Variants in TOPBP1 observed in about 807,000 individuals in gnomAD.
The protein encoded by TOPBP1 is DNA topoisomerase 2-binding protein 1.
Under a neutral mutation model 167.7 loss-of-function variants are expected in TOPBP1, and 28 were observed. The ratio of observed to expected loss-of-function variants is 0.17; its 90% CI spans 0.12 to 0.23. The LOEUF (loss-of-function observed/expected upper bound fraction) is 0.23, where lower values mean the gene tolerates loss of function less well. Among genes scored for constraint, TOPBP1 ranks in the 10% least tolerant of loss-of-function variants. The pLI, the probability that TOPBP1 is intolerant of heterozygous loss-of-function variation, is 1.00. For synonymous variants in TOPBP1, 598 were observed against 611.4 expected (o/e 0.98, Z 0.32); for missense variants, 1,554 against 1,809.6 (o/e 0.86, Z 2.56).
chr3:133,647,383 A>G (rs1822744), intron 10 of TOPBP1, among the ~76,000 whole-genome samples: 60,710 of 152,064 alleles, frequency 0.4, 12,705 homozygotes, highest in East Asian at 0.54. Flanking sequence ...TTCTGGGGTA[A>G]CAAACCCCTA....
chr3:133,640,670 T>C (rs943015485), intron 12 of TOPBP1, among the ~76,000 whole-genome samples: 2 of 152,044 alleles, frequency 1.3e-5, no homozygotes, highest in African/African-American at 4.8e-5. Flanking sequence ...CTCAGCCTCC[T>C]AAAGTTGGGA....
At chr3:133,602,615 G>A (rs1934341185) in intron 27 of TOPBP1, among the ~76,000 whole-genome samples, 1 of 152,194 alleles carries the variant, frequency 6.6e-6, no homozygotes, top group Non-Finnish European at 1.5e-5. Flanking sequence ...GCATAAAGCA[G>A]AGGTCAGCAC....
chr3:133,633,078 T>C (rs1218877324), intron 14 of TOPBP1, among the ~76,000 whole-genome samples: 2 of 152,146 alleles, frequency 1.3e-5, no homozygotes, highest in Non-Finnish European at 2.9e-5. Flanking sequence ...TGGCTATTTC[T>C]TCCACCTTAA....
intron 22 of TOPBP1, 117 bp from the exon 23 acceptor site, chr3:133,617,042 C>T (rs1934916207): frequency 7.4e-7 from 1 of 1,350,704 alleles, no homozygotes; most frequent in South Asian, 1.5e-5. Flanking sequence ...AATAATGATA[C>T]AATGCAAAAA....
intron 14 of TOPBP1, among the ~76,000 whole-genome samples, chr3:133,635,009 A>G (rs968678100): frequency 4.6e-5 from 7 of 152,260 alleles, no homozygotes; most frequent in African/African-American, 1.7e-4. Context: ...GGGAAAGAGA[A>G]TAAGATCTTC....
chr3:133,603,694 G>GA lies in TOPBP1; in HGVS notation c.4426-2302_4426-2301insT, dbSNP rs1318443264. Reference sequence around the variant, plus strand: ...AGCAACAAAGTTTGAAATAAATGGGGTAAAAGCTGACAAAATTAAAGAGAA... The same window carrying GA: ...AGCAACAAAGTTTGAAATAAATGGGGATAAAAGCTGACAAAATTAAAGAGAA... On this transcript the variant is annotated intron_variant, in intron 27 of 27. Transcript: ENST00000260810. Among the ~76,000 whole-genome samples the GA allele has an allele frequency of 6.1e-4, 91 of 149,074 alleles. 3 individuals are homozygous for GA. Among genetic ancestry groups the GA allele is most frequent in the Middle Eastern group, 3.6e-3 (1 of 278 alleles).
chr3:133,643,695 A>T (rs1357647339), intron 11 of TOPBP1, among the ~76,000 whole-genome samples: 1 of 134,376 alleles, frequency 7.4e-6, no homozygotes, highest in Non-Finnish European at 1.6e-5. Context: ...TTGGAATGTT[A>T]AAAAAAAAAA....
intron 24 of TOPBP1, 147 bp downstream of exon 24, chr3:133,612,242 G>C: frequency 1.3e-6 from 1 of 785,240 alleles, no homozygotes; most frequent in Non-Finnish European, 2.0e-6. Flanking sequence ...GTTTCACCAT[G>C]TTGGCCAGGC....
In TOPBP1 at chr3:133,604,284, G is replaced by A. The variant is rs1008497687; in HGVS notation, c.4426-2891C>T. On this transcript the variant is annotated intron_variant, in intron 27 of 27. Coordinates refer to ENST00000260810, the MANE Select transcript of TOPBP1 (RefSeq NM_007027.4). ...CGAGTGGCTGGGACTACAGGCACACGCCACCACACCCCGCTAATTTTTTTG... is the reference window on the plus strand; with the variant it reads ...CGAGTGGCTGGGACTACAGGCACACACCACCACACCCCGCTAATTTTTTTG... Among the ~76,000 whole-genome samples the A allele has an allele frequency of 3.5e-4, 53 of 151,662 alleles. 2 individuals are homozygous for A. Among genetic ancestry groups the A allele is most frequent in the Middle Eastern group, 3.4e-3 (1 of 292 alleles).
intron 8 of TOPBP1, among the ~76,000 whole-genome samples, chr3:133,650,651 T>C (rs536560335): frequency 6.6e-6 from 1 of 152,244 alleles, no homozygotes; most frequent in East Asian, 1.9e-4. Flanking sequence ...CTTAAAAAAA[T>C]TTAAGTATGA....
At chr3:133,651,210 G>A (rs1435411142) in intron 8 of TOPBP1, among the ~76,000 whole-genome samples, 2 of 133,434 alleles carry the variant, frequency 1.5e-5, no homozygotes, top group African/African-American at 2.8e-5. Flanking sequence ...TTTTGAGATG[G>A]AGTTTCACTC....
At chr3:133,633,877 T>C (rs1935577211) in intron 14 of TOPBP1, among the ~76,000 whole-genome samples, 1 of 152,194 alleles carries the variant, frequency 6.6e-6, no homozygotes, top group South Asian at 2.1e-4. Context: ...CTTTACACAT[T>C]ACCTACAAAC....
intron 14 of TOPBP1, among the ~76,000 whole-genome samples, chr3:133,631,659 T>C (rs1935485135): frequency 6.6e-6 from 1 of 152,160 alleles, no homozygotes; most frequent in African/African-American, 2.4e-5. Flanking sequence ...TCATGATATC[T>C]GGTTTGAGAT....
chr3:133,623,020 C>A (rs1208397472), intron 19 of TOPBP1, 71 bp downstream of exon 19: 2 of 853,424 alleles, frequency 2.3e-6, no homozygotes, highest in Non-Finnish European at 3.6e-6. Context: ...GATGACAAGA[C>A]CCCATCTCCA....
chr3:133,603,717 G>C (rs1934393701), intron 27 of TOPBP1, among the ~76,000 whole-genome samples: 1 of 148,672 alleles, frequency 6.7e-6, no homozygotes, highest in African/African-American at 2.4e-5. Flanking sequence ...AAATTAAAGA[G>C]AAAAAACAGA....
intron 12 of TOPBP1, among the ~76,000 whole-genome samples, chr3:133,642,432 T>G (rs1935920123): frequency 6.6e-6 from 1 of 152,222 alleles, no homozygotes; most frequent in South Asian, 2.1e-4. Flanking sequence ...TAATATATAT[T>G]CATTGAAGAC....
Position 133,653,503 on chromosome 3 carries a change from T to C in TOPBP1, c.764A>G (p.Lys255Arg). 3.8e-6 allele frequency: 6 copies of C among 1,595,542 alleles called. No homozygotes were observed. Among genetic ancestry groups the C allele is most frequent in the Non-Finnish European group, 4.3e-6 (5 of 1,173,416 alleles). ...EPKGQKYECA[K>R]RWNVHCVTTQ... ...GGTCACACAGTGTACATTCCATCTC[T>C]TGGCACACTCATACTTCTGACCTGT... The change falls in exon 7 of 28, where the codon AAG becomes AGG. Residue 255 changes from lysine (K) to arginine (R), a missense_variant. Lys to Arg is a conservative substitution (Grantham distance 26). This residue lies in a region of TOPBP1 where 1,197 missense variants were observed against 1,351.5 expected (regional missense o/e 0.89). Coordinates refer to ENST00000260810, the MANE Select transcript of TOPBP1 (RefSeq NM_007027.4).
At chr3:133,603,444 A>T (rs1934378744) in intron 27 of TOPBP1, among the ~76,000 whole-genome samples, 1 of 152,192 alleles carries the variant, frequency 6.6e-6, no homozygotes, top group Admixed American at 6.5e-5. Flanking sequence ...AAAAAAAAGC[A>T]AGGCCCAACT....
rs200081836 is a variant in TOPBP1, at chr3:133,644,113, A to G, written c.1755T>C (p.Leu585=). The change falls in exon 11 of 28, where the codon CTT becomes CTC. Residue 585 remains leucine, a synonymous_variant. Transcript: ENST00000260810. ...CATAATCCGCAACAGTTCTGCTCAG[A>G]AGGGACATGATTTTCCCAGCATTTT... ...IKENAGKIMS[L]LSRTVADYAV... is the part of the protein sequence containing the mutation. The G allele has an allele frequency of 6.9e-5, 111 of 1,613,988 alleles. No individual in the cohort carries two copies. The East Asian group carries it at 2.4e-3, about 35-fold the overall frequency.
Sources: gnomAD v4.1 joint callset for allele counts (sites outside exome capture counted in the v4.1 genomes callset) on GRCh38, gnomAD v4.1.1 for gene constraint, gnomAD v4.1.1 regional missense constraint, MANE v1.5 for transcripts, NCBI Gene and HGNC (gene_info 2026-07-23, HGNC 2026-07-21) for gene names.